The following PCBP3 variants were observed in gnomAD, a reference collection of about 807,000 sequenced individuals.
PCBP3 encodes poly(rC) binding protein 3, also known as poly(rC)-binding protein 3.
Under a neutral mutation model 52.7 loss-of-function variants are expected in PCBP3, and 25 were observed. The ratio of observed to expected loss-of-function variants is 0.47; its 90% CI spans 0.35 to 0.66. The LOEUF is 0.66. PCBP3 is among the 30% of genes least tolerant of loss of function. The pLI, the probability that PCBP3 is intolerant of heterozygous loss-of-function variation, is 0.01. For synonymous variants in PCBP3, 162 were observed against 183.0 expected (o/e 0.89, Z 0.93); for missense variants, 391 against 490.3 (o/e 0.80, Z 1.91).
Position 45,857,920 on chromosome 21 carries a change from G to A in PCBP3, c.10+7825G>A, listed in dbSNP as rs183334541. ...AGGGCCTTGCTCTCCAGTGTTGACG[G>A]AGGTGTCGTGGGAGAGGCTCGCAGA... On this transcript the variant is annotated intron_variant, in intron 5 of 17. Transcript: ENST00000681687. Among the ~76,000 whole-genome samples the A allele has an allele frequency of 3.2e-3, 494 of 152,276 alleles. 1 individual carries two copies. The highest frequency in any genetic ancestry group is 5.1e-3 in the Non-Finnish European group (347 of 68,016).
At chr21:45,657,912 A>G (rs2080123285) in intron 1 of PCBP3, among the ~76,000 whole-genome samples, 1 of 152,148 alleles carries the variant, frequency 6.6e-6, no homozygotes. Flanking sequence ...AATTTTTCTC[A>G]TGTAATTGCC....
At chr21:45,713,993 G>A (rs956454056) in intron 2 of PCBP3, among the ~76,000 whole-genome samples, 3 of 152,170 alleles carry the variant, frequency 2.0e-5, no homozygotes, top group Non-Finnish European at 4.4e-5. Flanking sequence ...TTTCAGTTTT[G>A]GGGATGGGAG....
chr21:45,682,137 G>T (rs532050794), intron 2 of PCBP3, among the ~76,000 whole-genome samples: 5 of 152,250 alleles, frequency 3.3e-5, no homozygotes, highest in African/African-American at 9.6e-5. Context: ...TTTCTGTCTT[G>T]CTAGGCTGTC....
At chr21:45,769,594 G>A (rs1235239385) in intron 4 of PCBP3, among the ~76,000 whole-genome samples, 1 of 152,248 alleles carries the variant, frequency 6.6e-6, no homozygotes, top group Non-Finnish European at 1.5e-5. Context: ...ACTGGTGTCT[G>A]GACCTTTTAG....
intron 4 of PCBP3, among the ~76,000 whole-genome samples, chr21:45,801,147 A>G (rs1012459941): frequency 6.6e-6 from 1 of 152,138 alleles, no homozygotes; most frequent in African/African-American, 2.4e-5. Flanking sequence ...CCTGGCTCTC[A>G]CTGCCACTGC....
intron 4 of PCBP3, chr21:45,760,176 T>G (rs1400066359): frequency 6.6e-6 from 1 of 152,136 alleles, no homozygotes; most frequent in Admixed American, 6.6e-5. Context: ...AGTATTTCTG[T>G]TTTTCTAGAG....
intron 2 of PCBP3, among the ~76,000 whole-genome samples, chr21:45,698,979 C>G (rs2082949715): frequency 1.3e-5 from 2 of 152,284 alleles, no homozygotes; most frequent in Middle Eastern, 6.8e-3. Flanking sequence ...GAACACTTTT[C>G]TCCAATAGCA....
intron 4 of PCBP3, among the ~76,000 whole-genome samples, chr21:45,808,457 A>G (rs970071963): frequency 2.6e-5 from 4 of 152,244 alleles, no homozygotes; most frequent in East Asian, 1.9e-4. Flanking sequence ...ATCACTGGTC[A>G]TTAGAGAAAT....
intron 1 of PCBP3, among the ~76,000 whole-genome samples, chr21:45,646,063 CTCTCTCTCTCTCTCTCTCTT>C (rs1427537781): frequency 1.7e-4 from 20 of 119,170 alleles, no homozygotes; most frequent in Middle Eastern, 4.2e-3. Flanking sequence ...TTCTCTCTCT[CTCTCTCTCTCTCTCTCTCTT>C]TCTCTCTCTC....
intron 5 of PCBP3, among the ~76,000 whole-genome samples, chr21:45,867,914 C>T (rs1234046490): frequency 6.6e-6 from 1 of 152,254 alleles, no homozygotes; most frequent in African/African-American, 2.4e-5. Context: ...AGCGCCGTCG[C>T]ACACACAGCG....
intron 3 of PCBP3, among the ~76,000 whole-genome samples, chr21:45,744,782 C>G (rs1424027161): frequency 6.6e-6 from 1 of 152,190 alleles, no homozygotes; most frequent in Admixed American, 6.5e-5. Flanking sequence ...ACACTTTTAA[C>G]TCTGTTCTAC....
At chr21:45,934,375 G>A (rs940034951) in intron 15 of PCBP3, among the ~76,000 whole-genome samples, 3 of 152,182 alleles carry the variant, frequency 2.0e-5, no homozygotes, top group Non-Finnish European at 4.4e-5. Context: ...TACTCATGGG[G>A]CTTGCAGCTT....
intron 5 of PCBP3, among the ~76,000 whole-genome samples, chr21:45,870,649 C>A (rs1569388455): frequency 6.6e-6 from 1 of 152,230 alleles, no homozygotes; most frequent in Admixed American, 6.5e-5. Context: ...TCTTCCTGTG[C>A]ACAGCAGGGT....
At chr21:45,787,897 G>T (rs1223644740) in intron 4 of PCBP3, among the ~76,000 whole-genome samples, 1 of 152,242 alleles carries the variant, frequency 6.6e-6, no homozygotes, top group Non-Finnish European at 1.5e-5. Flanking sequence ...CCTTACTAAA[G>T]AGATCAGGCT....
In PCBP3 at chr21:45,776,889, A is replaced by T. The variant is rs113308641; in HGVS notation, c.-126+21437A>T. On this transcript the variant is annotated intron_variant, in intron 4 of 17. Transcript: ENST00000681687. The stretch of plus-strand genomic sequence containing the variant: ...TATATGACAGGTTTGTTTCTGTCGT[A>T]TGGTTGTTTTCTTGCTTTATGTATT... Among the ~76,000 whole-genome samples the T allele has an allele frequency of 7.8e-3, 1,183 of 152,194 alleles. 16 individuals are homozygous for T. The highest frequency in any genetic ancestry group is 0.026 in the African/African-American group (1,071 of 41,526).
In PCBP3 at chr21:45,910,884, A is replaced by C; in HGVS notation, c.472-18A>C. On this transcript the variant is annotated intron_variant, in intron 10 of 17. Transcript: ENST00000681687. ...CGCTGCTACCCTGGTGCTCCCTTCC[A>C]ATGTCCCCTCTCTCCAGTCCACAGG... The C allele has an allele frequency of 2.5e-6, 4 of 1,585,738 alleles. No individual in the cohort carries two copies. Among genetic ancestry groups the C allele is most frequent in the Non-Finnish European group, 3.4e-6 (4 of 1,166,348 alleles).
intron 5 of PCBP3, among the ~76,000 whole-genome samples, chr21:45,892,446 C>G (rs890543572): frequency 7.4e-6 from 1 of 135,852 alleles, no homozygotes; most frequent in African/African-American, 3.0e-5. Flanking sequence ...ACGTGAGGGG[C>G]GCAGTCCCGT....
chr21:45,755,582 T>A (rs1316364112), intron 4 of PCBP3, among the ~76,000 whole-genome samples, 130 bp downstream of exon 4: 5 of 152,178 alleles, frequency 3.3e-5, no homozygotes, highest in African/African-American at 1.2e-4. Flanking sequence ...ATGGTCAGCA[T>A]TCAGTGTTGT....
At chr21:45,756,920 C>T (rs1003197474) in intron 4 of PCBP3, among the ~76,000 whole-genome samples, 4 of 152,062 alleles carry the variant, frequency 2.6e-5, no homozygotes, top group Admixed American at 6.6e-5. Context: ...GTATTTAGTT[C>T]GTTTACACTT....
Sources: allele counts gnomAD v4.1 joint callset (sites outside exome capture counted in the v4.1 genomes callset), GRCh38; gene constraint gnomAD v4.1.1; transcripts MANE v1.5; gene names NCBI Gene and HGNC (gene_info 2026-07-23, HGNC 2026-07-21).